UNC5C: variants seen among roughly 807,000 people sequenced by gnomAD.
UNC5C encodes the protein netrin receptor UNC5C.
A neutral mutation model predicts 99.8 loss-of-function variants in UNC5C; 47 were observed. The ratio of observed to expected loss-of-function variants is 0.47; its 90% confidence interval spans 0.37 to 0.60. The LOEUF (loss-of-function observed/expected upper bound fraction) is 0.60, where lower values mean the gene tolerates loss of function less well. Ranked by LOEUF, UNC5C falls within the 20% of genes least tolerant of loss-of-function variation. The pLI, the probability that UNC5C is intolerant of heterozygous loss-of-function variation, is 0.00. For missense variants in UNC5C, 1,062 were observed against 1,165.9 expected, an observed-to-expected ratio of 0.91 and a Z score of 1.30; for synonymous variants, 487 against 452.2, an observed-to-expected ratio of 1.08 and a Z score of -0.98.
chr4:95,446,740 A>T (rs1332309847), intron 1 of UNC5C, among the ~76,000 whole-genome samples: 1 of 151,906 alleles, frequency 6.6e-6, no homozygotes. Flanking sequence ...AAAACTCATA[A>T]AACTGTACAC....
chr4:95,362,386 T>C (rs78521226), intron 1 of UNC5C, among the ~76,000 whole-genome samples: 3 of 151,998 alleles, frequency 2.0e-5, no homozygotes, highest in African/African-American at 7.2e-5. Flanking sequence ...AGACTGGCTG[T>C]TAGTATGACG....
chr4:95,219,989 T>C lies in UNC5C; in HGVS notation c.1296A>G (p.Arg432=), dbSNP rs1219522879. 1 of 1,613,438 alleles carries C rather than the reference T, an allele frequency of 6.2e-7. No homozygotes were observed. The highest frequency in any genetic ancestry group is 2.2e-5 in the East Asian group (1 of 44,886). The stretch of plus-strand genomic sequence containing the variant: ...TGAAGTGGAATGTCAACTGACCTTG[T>C]CTTGCTGCCTTGATGTTCACAGGCT... ...GFQPVNIKAA[R]QDLLAVPPDL... is the part of the protein sequence containing the mutation. Residue 432 remains arginine (R), a synonymous_variant, in exon 8 of 16, where the codon AGA becomes AGG. Transcript: ENST00000453304.
intron 1 of UNC5C, among the ~76,000 whole-genome samples, chr4:95,437,545 G>T (rs1175243583): frequency 6.6e-6 from 1 of 152,028 alleles, no homozygotes; most frequent in Admixed American, 6.6e-5. Flanking sequence ...AAATAAAGGA[G>T]ATAGCCCTTC....
intron 2 of UNC5C, among the ~76,000 whole-genome samples, chr4:95,307,636 C>G (rs1185344007): frequency 6.6e-6 from 1 of 152,148 alleles, no homozygotes; most frequent in African/African-American, 2.4e-5. Context: ...CAGCATTATC[C>G]TCTTACCAAA....
chr4:95,186,176 A>G (rs1197414595), intron 12 of UNC5C, among the ~76,000 whole-genome samples: 1 of 152,194 alleles, frequency 6.6e-6, no homozygotes, highest in Non-Finnish European at 1.5e-5. Flanking sequence ...AAAAGTTTTA[A>G]TGGTACAAAT....
intron 4 of UNC5C, among the ~76,000 whole-genome samples, chr4:95,262,726 C>T (rs1408825518): frequency 6.6e-6 from 1 of 151,810 alleles, no homozygotes; most frequent in Non-Finnish European, 1.5e-5. Context: ...AATTTTTATG[C>T]CTAAAATTTA....
chr4:95,369,179 A>G (rs1263332667), intron 1 of UNC5C, among the ~76,000 whole-genome samples: 3 of 104,692 alleles, frequency 2.9e-5, no homozygotes, highest in Non-Finnish European at 5.4e-5. Flanking sequence ...TTTTATGTAT[A>G]CTTTCTGCAA....
chr4:95,498,419 A>C lies in UNC5C; in HGVS notation c.124+50315T>G, dbSNP rs781560188. ...AGAGTAGCTGTACTTAAAATTAAACATTTTCCTTTGACTAGTTGAAAAGTG... is the reference window on the plus strand; with the variant it reads ...AGAGTAGCTGTACTTAAAATTAAACCTTTTCCTTTGACTAGTTGAAAAGTG... On this transcript the variant is annotated intron_variant, in intron 1 of 15. Transcript: ENST00000453304. Among the ~76,000 whole-genome samples the C allele has an allele frequency of 4.9e-4, 74 of 152,018 alleles. 2 individuals are homozygous for C. The highest frequency in any genetic ancestry group is 4.9e-4 in the Non-Finnish European group (33 of 67,974).
At chr4:95,196,762 TA>T (rs1162446958) in intron 12 of UNC5C, among the ~76,000 whole-genome samples, 1,170 of 45,496 alleles carry the variant, frequency 0.026, 405 homozygotes, top group Middle Eastern at 0.062. Context: ...ATAATATATA[TA>T]TTATATTTAT....
At chr4:95,315,716 T>G (rs1742451082) in intron 2 of UNC5C, among the ~76,000 whole-genome samples, 1 of 152,204 alleles carries the variant, frequency 6.6e-6, no homozygotes, top group South Asian at 2.1e-4. Context: ...TTTGCAATGA[T>G]ACTAGCACTA....
At chr4:95,458,054 G>A (rs1181619455) in intron 1 of UNC5C, among the ~76,000 whole-genome samples, 3 of 152,122 alleles carry the variant, frequency 2.0e-5, no homozygotes, top group Admixed American at 6.6e-5. Context: ...AGATCAGTTT[G>A]TGTAGTGTGT....
chr4:95,422,620 C>A (rs1176877160), intron 1 of UNC5C, among the ~76,000 whole-genome samples: 4 of 152,190 alleles, frequency 2.6e-5, no homozygotes, highest in Non-Finnish European at 4.4e-5. Context: ...TCGCCTCAAC[C>A]TTCTTAACTG....
At chr4:95,382,168 G>GACT (rs143501572) in intron 1 of UNC5C, among the ~76,000 whole-genome samples, 6,719 of 152,078 alleles carry the variant, frequency 0.044, 211 homozygotes, top group South Asian at 0.067. Context: ...AGTTCTGTGG[G>GACT]ACTTGAAGCT....
chr4:95,413,543 T>C (rs540149535), intron 1 of UNC5C, among the ~76,000 whole-genome samples: 23 of 152,310 alleles, frequency 1.5e-4, no homozygotes, highest in African/African-American at 5.3e-4. Flanking sequence ...TTGCACTTTA[T>C]TGAATATAAT....
At chr4:95,375,140 A>G (rs571155159) in intron 1 of UNC5C, among the ~76,000 whole-genome samples, 19 of 152,308 alleles carry the variant, frequency 1.2e-4, no homozygotes, top group Middle Eastern at 6.8e-3. Context: ...ACATTTGGAT[A>G]AGAAGGAGAT....
chr4:95,229,475 G>T lies in UNC5C; in HGVS notation c.1109-9299C>A, dbSNP rs190660511. 2.3e-3 allele frequency among the ~76,000 whole-genome samples: 344 copies of T among 152,248 alleles called. 1 individual carries two copies. The highest frequency in any genetic ancestry group is 7.9e-3 in the African/African-American group (327 of 41,540). On this transcript the variant is annotated intron_variant, in intron 7 of 15. Coordinates refer to ENST00000453304, the MANE Select transcript of UNC5C (RefSeq NM_003728.4). Reference sequence around the variant, plus strand: ...ATGAACTCATCCTTTTTTTATGGCTGCATAGTATTTCATGGTGTATATGTG... The same window carrying T: ...ATGAACTCATCCTTTTTTTATGGCTTCATAGTATTTCATGGTGTATATGTG...
intron 12 of UNC5C, among the ~76,000 whole-genome samples, chr4:95,192,660 C>T (rs1440146878): frequency 6.6e-6 from 1 of 150,540 alleles, no homozygotes; most frequent in African/African-American, 2.4e-5. Flanking sequence ...CTGCTCACCT[C>T]TTCCCCTGCT....
chr4:95,192,406 T>C (rs1374330000), intron 12 of UNC5C, among the ~76,000 whole-genome samples: 10 of 41,668 alleles, frequency 2.4e-4, no homozygotes, highest in African/African-American at 3.9e-4. Flanking sequence ...GCCCACCTCC[T>C]CCCCCCTTCT....
chr4:95,432,926 A>T (rs1195736611), intron 1 of UNC5C, among the ~76,000 whole-genome samples: 2 of 152,182 alleles, frequency 1.3e-5, no homozygotes, highest in Non-Finnish European at 2.9e-5. Flanking sequence ...ACAAGTTAGA[A>T]TCTAAACTAC....
Sources: allele counts gnomAD v4.1 joint callset (sites outside exome capture counted in the v4.1 genomes callset), GRCh38; gene constraint gnomAD v4.1.1; transcripts MANE v1.5; gene names NCBI Gene and HGNC (gene_info 2026-07-23, HGNC 2026-07-21).